The following PRKCE variants were observed in gnomAD, a reference collection of about 807,000 sequenced individuals.
PRKCE encodes protein kinase C epsilon type.
A neutral mutation model predicts 85.4 loss-of-function variants in PRKCE; 16 were observed. The observed-to-expected ratio is 0.19, with a 90% CI of 0.13 to 0.28. The LOEUF is 0.28. PRKCE is among the 10% of genes least tolerant of loss of function. The probability of loss-of-function intolerance (pLI) is 1.00; values close to 1 mark genes in which losing one functional copy is unlikely to be tolerated. For synonymous variants in PRKCE, 388 were observed against 371.5 expected (o/e 1.04, Z -0.51); for missense variants, 573 against 975.2 (o/e 0.59, Z 5.49).
chr2:45,920,389 A>G (rs1180637086), intron 2 of PRKCE, among the ~76,000 whole-genome samples: 2 of 152,238 alleles, frequency 1.3e-5, no homozygotes, highest in Non-Finnish European at 2.9e-5. Context: ...TGGTTGCCAT[A>G]TAACCCAGCA....
intron 2 of PRKCE, among the ~76,000 whole-genome samples, chr2:45,973,908 A>G (rs547165542): frequency 6.6e-6 from 1 of 152,346 alleles, no homozygotes; most frequent in East Asian, 1.9e-4. Flanking sequence ...CAACTAGTCA[A>G]TTTGAGAGAT....
intron 2 of PRKCE, among the ~76,000 whole-genome samples, chr2:45,926,454 G>A (rs1216624633): frequency 6.6e-6 from 1 of 152,198 alleles, no homozygotes; most frequent in Non-Finnish European, 1.5e-5. Flanking sequence ...TATGGTGGTG[G>A]TGGTAATGGC....
intron 11 of PRKCE, among the ~76,000 whole-genome samples, chr2:46,087,592 A>T (rs1669766570): frequency 6.6e-6 from 1 of 152,208 alleles, no homozygotes; most frequent in Non-Finnish European, 1.5e-5. Context: ...CCTGCCATTC[A>T]TGGCCCTCTG....
intron 1 of PRKCE, among the ~76,000 whole-genome samples, chr2:45,739,610 A>T (rs1156781663): frequency 1.3e-5 from 2 of 152,134 alleles, no homozygotes; most frequent in East Asian, 1.9e-4. Context: ...AAGGCTATAT[A>T]CTGTATTATC....
chr2:46,136,330 C>T (rs752207173), intron 11 of PRKCE, among the ~76,000 whole-genome samples: 11 of 152,172 alleles, frequency 7.2e-5, no homozygotes, highest in African/African-American at 1.9e-4. Context: ...GGGCCTCACG[C>T]GTGCTAACGC....
chr2:45,712,344 G>A (rs1161105926), intron 1 of PRKCE, among the ~76,000 whole-genome samples: 1 of 151,724 alleles, frequency 6.6e-6, no homozygotes, highest in East Asian at 1.9e-4. Context: ...TAGTAGAGAC[G>A]AGGGTTCCCC....
chr2:46,056,491 G>C (rs1258309717), intron 10 of PRKCE, among the ~76,000 whole-genome samples: 1 of 152,104 alleles, frequency 6.6e-6, no homozygotes. Flanking sequence ...TGATTGTATG[G>C]TACTTTCCCC....
chr2:45,960,814 G>T (rs946487199), intron 2 of PRKCE, among the ~76,000 whole-genome samples: 2 of 152,272 alleles, frequency 1.3e-5, no homozygotes, highest in South Asian at 4.2e-4. Flanking sequence ...CCCAAATTTA[G>T]CTCCTGCCTC....
intron 1 of PRKCE, among the ~76,000 whole-genome samples, chr2:45,728,133 C>T (rs542284353): frequency 6.6e-6 from 1 of 152,262 alleles, no homozygotes; most frequent in Non-Finnish European, 1.5e-5. Flanking sequence ...CAAAGTGTGA[C>T]TCCACATCCT....
rs371291403 is a variant in PRKCE at position 45,911,459 on chromosome 2, G to C, written c.413-64970G>C. 9.2e-5 allele frequency among the ~76,000 whole-genome samples: 14 copies of C among 152,364 alleles called. No individual in the cohort carries two copies. The East Asian group carries it at 9.6e-4, about 10-fold the overall frequency. ...AAAATCCCAGATGTGGCTTGAAGCAGCTGTGACTATTTCCAGGAGGCCATA... is the reference window on the plus strand; with the variant it reads ...AAAATCCCAGATGTGGCTTGAAGCACCTGTGACTATTTCCAGGAGGCCATA... On this transcript the variant is annotated intron_variant, in intron 2 of 14. Transcript: ENST00000306156.
intron 2 of PRKCE, 44 bp from the exon 3 acceptor site, chr2:45,976,385 C>T (rs777929260): frequency 1.3e-6 from 2 of 1,584,038 alleles, no homozygotes; most frequent in South Asian, 2.2e-5. Context: ...TGAAGGTGCA[C>T]TAACCCAGAC....
chr2:45,768,616 G>A (rs1455696260), intron 1 of PRKCE, among the ~76,000 whole-genome samples: 2 of 152,174 alleles, frequency 1.3e-5, no homozygotes, highest in East Asian at 3.8e-4. Flanking sequence ...TCTCACCTGA[G>A]CCCTACCTGA....
At chr2:46,057,916 T>C (rs1446108784) in intron 10 of PRKCE, among the ~76,000 whole-genome samples, 1 of 152,140 alleles carries the variant, frequency 6.6e-6, no homozygotes, top group Non-Finnish European at 1.5e-5. Flanking sequence ...CCATCCACAG[T>C]GATTCTTTCT....
rs35395021 is a variant in PRKCE, at chr2:46,027,033, G to C, written c.1437+16516G>C. Among the ~76,000 whole-genome samples, 222 of 152,270 alleles carry C rather than the reference G, an allele frequency of 1.5e-3. 1 individual carries two copies. The highest frequency in any genetic ancestry group is 2.5e-3 in the Non-Finnish European group (169 of 68,016). ...AATTGTTTTAAATTAGCCTGGCACGGTGATGTGTGCCTGTTGTCCCAGCTA... is the reference window on the plus strand; with the variant it reads ...AATTGTTTTAAATTAGCCTGGCACGCTGATGTGTGCCTGTTGTCCCAGCTA... On this transcript the variant is annotated intron_variant, in intron 10 of 14. Transcript: ENST00000306156.
intron 1 of PRKCE, among the ~76,000 whole-genome samples, chr2:45,674,385 A>G (rs572813624): frequency 2.0e-5 from 3 of 152,294 alleles, no homozygotes; most frequent in African/African-American, 7.2e-5. Flanking sequence ...GAATTTTCAG[A>G]TATCAGTGAC....
At chr2:46,092,748 A>G (rs1432171839) in intron 11 of PRKCE, among the ~76,000 whole-genome samples, 1 of 152,150 alleles carries the variant, frequency 6.6e-6, no homozygotes, top group Non-Finnish European at 1.5e-5. Flanking sequence ...CGTATGGAAA[A>G]TGCATACGAA....
intron 1 of PRKCE, among the ~76,000 whole-genome samples, chr2:45,777,086 T>C (rs1685810148): frequency 6.6e-6 from 1 of 152,062 alleles, no homozygotes; most frequent in African/African-American, 2.4e-5. Context: ...ATCTGCAAAA[T>C]GGGGAATTAC....
Position 46,086,294 on chromosome 2 carries a change from T to C in PRKCE, c.1524T>C (p.Arg508=). The C allele has an allele frequency of 6.3e-7, 1 of 1,599,722 alleles. No homozygotes were observed. Among genetic ancestry groups the C allele is most frequent in the Non-Finnish European group, 8.5e-7 (1 of 1,179,948 alleles). The change falls in exon 11 of 15, where the codon CGT becomes CGC. Residue 508 remains arginine, a synonymous_variant. Coordinates refer to ENST00000306156, the MANE Select transcript of PRKCE (RefSeq NM_005400.3). ...IQRSRKFDEP[R]SRFYAAEVTS... is the part of the protein sequence containing the mutation. The stretch of plus-strand genomic sequence containing the variant: ...GCTCCCGAAAATTCGACGAGCCTCG[T>C]TCACGGTTCTATGCTGCAGAGGTCA...
At chr2:45,663,345 G>A (rs1258837640) in intron 1 of PRKCE, among the ~76,000 whole-genome samples, 1 of 152,210 alleles carries the variant, frequency 6.6e-6, no homozygotes. Context: ...ATAAAACAGT[G>A]AATTTGAAGA....
Sources: allele counts gnomAD v4.1 joint callset (sites outside exome capture counted in the v4.1 genomes callset), GRCh38; gene constraint gnomAD v4.1.1; transcripts MANE v1.5; gene names NCBI Gene and HGNC (gene_info 2026-07-23, HGNC 2026-07-21).